The following VWDE variants were observed in gnomAD, a reference collection of about 807,000 sequenced individuals.
VWDE encodes the protein von Willebrand factor D and EGF domains.
In VWDE, 207 loss-of-function variants were observed where a neutral mutation model predicts 178.4. The ratio of observed to expected loss-of-function variants is 1.16; its 90% CI spans 1.04 to 1.30. The LOEUF (loss-of-function observed/expected upper bound fraction) is 1.30, where lower values mean the gene tolerates loss of function less well. Among genes scored for constraint, VWDE ranks in the 50% most tolerant of loss-of-function variants. The probability of loss-of-function intolerance (pLI) is 0.00; values close to 1 mark genes in which losing one functional copy is unlikely to be tolerated. For missense variants in VWDE, 2,287 were observed against 1,901.3 expected (o/e 1.20, Z -3.77); for synonymous variants, 738 against 651.4 (o/e 1.13, Z -2.02).
Position 12,374,978 on chromosome 7 carries a change from C to A in VWDE, c.1242+32G>T, listed in dbSNP as rs554343550. 8.5e-6 allele frequency: 13 copies of A among 1,520,584 alleles called. No individual in the cohort carries two copies. In the African/African-American group the frequency reaches 1.8e-4, roughly 21 times the overall value. The allele number at this position is 1,520,584 out of a possible 1,614,324, so 94.2% of individuals were successfully genotyped here. A position where few individuals can be genotyped will look rare whatever the true frequency, so the allele number is the denominator to read the frequency against. ...AAATACACATTTCTTCTTAAAGCTT[C>A]ACTTGCAGTATTAGTGTTGTAATTT... On this transcript the variant is annotated intron_variant, in intron 8 of 28. Transcript: ENST00000275358.
At chr7:12,400,147 G>A (rs1784833892) in intron 1 of VWDE, among the ~76,000 whole-genome samples, 1 of 152,026 alleles carries the variant, frequency 6.6e-6, no homozygotes, top group African/African-American at 2.4e-5. Context: ...AGTTAACCTT[G>A]CACCTTAAGA....
At chr7:12,394,219 G>A (rs1356519823) in intron 1 of VWDE, among the ~76,000 whole-genome samples, 1 of 152,066 alleles carries the variant, frequency 6.6e-6, no homozygotes, top group Admixed American at 6.6e-5. Flanking sequence ...GCCAAATCAT[G>A]GAATGCAACA....
At chr7:12,402,133 G>T (rs932113411) in intron 1 of VWDE, among the ~76,000 whole-genome samples, 10 of 152,188 alleles carry the variant, frequency 6.6e-5, no homozygotes, top group Non-Finnish European at 1.2e-4. Flanking sequence ...ATTCCTTATC[G>T]CTGGGGAGAA....
At chr7:12,376,084 A>G (rs1390275889) in intron 7 of VWDE, among the ~76,000 whole-genome samples, 1 of 152,118 alleles carries the variant, frequency 6.6e-6, no homozygotes, top group Admixed American at 6.6e-5. Flanking sequence ...AATCAGATAT[A>G]GGCATACTGA....
chr7:12,370,663 C>T lies in VWDE; in HGVS notation c.1789G>A (p.Glu597Lys). Residue 597 changes from glutamate to lysine, a missense_variant, in exon 11 of 29, where the codon GAA becomes AAA. By Grantham distance (56) the Glu-to-Lys change is moderately conservative. Transcript: ENST00000275358. Reference sequence around the variant, plus strand: ...GGAAAAATAGTGTCTTACCTCCATTCATTAATAAAAGCAACATAATTGTTA... The same window carrying T: ...GGAAAAATAGTGTCTTACCTCCATTTATTAATAAAAGCAACATAATTGTTA... ...NFNNYVAFIN[E>K]WRILPGKSMS... 1 of 1,550,602 alleles carries T rather than the reference C, an allele frequency of 6.4e-7. No individual in the cohort carries two copies. The highest frequency in any genetic ancestry group is 8.7e-7 in the Non-Finnish European group (1 of 1,146,506).
chr7:12,350,993 A>C (rs2128549885), intron 19 of VWDE, among the ~76,000 whole-genome samples: 1 of 152,286 alleles, frequency 6.6e-6, no homozygotes, highest in South Asian at 2.1e-4. Context: ...CAGAGTATTC[A>C]GTAAGGTGAC....
chr7:12,337,291 G>GAT lies in VWDE; in HGVS notation c.4367-20_4367-19insAT. The GAT allele has an allele frequency of 6.5e-7, 1 of 1,541,870 alleles. No individual in the cohort carries two copies. Among genetic ancestry groups the GAT allele is most frequent in the Non-Finnish European group, 8.8e-7 (1 of 1,138,062 alleles). On this transcript the variant is annotated intron_variant, in intron 24 of 28. Coordinates refer to ENST00000275358, the MANE Select transcript of VWDE (RefSeq NM_001135924.3). ...CAGAAAGCTAAAAGAACACATGGCA[G>GAT]CAATCTGTGAATATTACACATCCCA...
At chr7:12,371,353 T>C (rs1783188033) in intron 10 of VWDE, among the ~76,000 whole-genome samples, 1 of 152,090 alleles carries the variant, frequency 6.6e-6, no homozygotes. Flanking sequence ...AACTAGAAGG[T>C]AGCTTGGGGA....
intron 9 of VWDE, among the ~76,000 whole-genome samples, chr7:12,374,408 A>C (rs1783394940): frequency 6.6e-6 from 1 of 152,086 alleles, no homozygotes; most frequent in African/African-American, 2.4e-5. Flanking sequence ...ATCATTATTA[A>C]AAATTTAAAG....
intron 18 of VWDE, 144 bp downstream of exon 18, chr7:12,355,967 A>T: frequency 1.3e-6 from 1 of 744,032 alleles, no homozygotes; most frequent in East Asian, 2.7e-5. Flanking sequence ...GGATATGGAT[A>T]GTAATTATAT....
intron 3 of VWDE, among the ~76,000 whole-genome samples, chr7:12,387,552 T>G (rs1158838686): frequency 1.3e-5 from 2 of 152,002 alleles, no homozygotes; most frequent in African/African-American, 4.8e-5. Flanking sequence ...TACATATTTA[T>G]GTATATTTAT....
intron 21 of VWDE, among the ~76,000 whole-genome samples, chr7:12,343,881 G>A (rs1562466038): frequency 6.6e-6 from 1 of 152,032 alleles, no homozygotes; most frequent in Non-Finnish European, 1.5e-5. Flanking sequence ...TTCAATAGCT[G>A]TCTTTGCTTG....
intron 18 of VWDE, chr7:12,354,126 T>A (rs943491269): frequency 4.7e-6 from 1 of 212,372 alleles, no homozygotes; most frequent in Non-Finnish European, 9.5e-6. Flanking sequence ...CAGAACACTT[T>A]ATTATACTCT....
chr7:12,342,559 C>G (rs1781387637), intron 22 of VWDE, among the ~76,000 whole-genome samples: 2 of 152,150 alleles, frequency 1.3e-5, no homozygotes, highest in South Asian at 4.2e-4. Flanking sequence ...TGGTTGATAT[C>G]AGTGCTATGC....
chr7:12,344,066 C>T (rs1010975587), intron 21 of VWDE, 129 bp downstream of exon 21: 33 of 605,998 alleles, frequency 5.4e-5, no homozygotes, highest in South Asian at 2.7e-4. Context: ...AATGTAGAGT[C>T]CTATACCAGC....
intron 27 of VWDE, among the ~76,000 whole-genome samples, chr7:12,333,964 T>C (rs1780874417): frequency 6.6e-6 from 1 of 152,172 alleles, no homozygotes; most frequent in South Asian, 2.1e-4. Context: ...CAGTACTGGC[T>C]AGTGTATGGA....
intron 1 of VWDE, among the ~76,000 whole-genome samples, chr7:12,402,495 G>T (rs534092579): frequency 6.6e-6 from 1 of 152,250 alleles, no homozygotes; most frequent in African/African-American, 2.4e-5. Flanking sequence ...TCAGCAGAGA[G>T]ATTACAAAGC....
At chr7:12,337,365 T>A in intron 24 of VWDE, 93 bp from the exon 25 acceptor site, 1 of 1,059,878 alleles carries the variant, frequency 9.4e-7, no homozygotes, top group East Asian at 2.6e-5. Flanking sequence ...AATGAGGACA[T>A]AAGGCAGAGA....
chr7:12,333,895 A>G (rs74593955), intron 27 of VWDE, among the ~76,000 whole-genome samples: 1,546 of 152,300 alleles, frequency 0.01, 37 homozygotes, highest in African/African-American at 0.036. Context: ...AGTCATTAAC[A>G]GAAGATAGCA....
Sources: allele counts gnomAD v4.1 joint callset (sites outside exome capture counted in the v4.1 genomes callset), GRCh38; gene constraint gnomAD v4.1.1; transcripts MANE v1.5; gene names NCBI Gene and HGNC (gene_info 2026-07-23, HGNC 2026-07-21).